Variants in MED27 observed in about 807,000 individuals in gnomAD.
MED27 encodes mediator of RNA polymerase II transcription subunit 27.
MED27 carries 30 observed loss-of-function variants against 38.2 expected under a neutral mutation model. The ratio of observed to expected loss-of-function variants is 0.79; its 90% CI spans 0.59 to 1.07. MED27 has a LOEUF of 1.07. Ranked by LOEUF, MED27 falls within the 50% of genes least tolerant of loss-of-function variation. The pLI, the probability that MED27 is intolerant of heterozygous loss-of-function variation, is 0.00. For missense variants in MED27, 289 were observed against 397.5 expected (o/e 0.73, Z 2.32); for synonymous variants, 122 against 153.5 (o/e 0.79, Z 1.52).
chr9:131,888,333 C>T (rs1839174614), intron 5 of MED27, among the ~76,000 whole-genome samples: 1 of 152,138 alleles, frequency 6.6e-6, no homozygotes, highest in African/African-American at 2.4e-5. Context: ...ATAGTTAATG[C>T]GAGGTGGGGG....
At chr9:131,951,742 T>C (rs1387523659) in intron 3 of MED27, among the ~76,000 whole-genome samples, 2 of 152,356 alleles carry the variant, frequency 1.3e-5, no homozygotes, top group Admixed American at 1.3e-4. Flanking sequence ...TGTACAAACA[T>C]TGTCTTTTTC....
intron 4 of MED27, among the ~76,000 whole-genome samples, chr9:131,912,159 T>G (rs905768044): frequency 2.0e-5 from 3 of 152,208 alleles, no homozygotes; most frequent in African/African-American, 7.2e-5. Context: ...AAGCTCTCCT[T>G]GACATTTTCC....
At chr9:132,042,157 C>T (rs893978965) in intron 2 of MED27, among the ~76,000 whole-genome samples, 6 of 152,146 alleles carry the variant, frequency 3.9e-5, no homozygotes, top group African/African-American at 1.4e-4. Context: ...GCCACAGGAT[C>T]TGGGACTCAG....
intron 4 of MED27, among the ~76,000 whole-genome samples, chr9:131,912,200 T>C (rs1296422433): frequency 1.3e-5 from 2 of 152,172 alleles, no homozygotes; most frequent in Non-Finnish European, 2.9e-5. Flanking sequence ...GGGTCTGTGG[T>C]CAAGCATGTC....
chr9:131,955,011 G>A (rs777247882), intron 3 of MED27, among the ~76,000 whole-genome samples: 15 of 151,806 alleles, frequency 9.9e-5, no homozygotes, highest in Non-Finnish European at 1.5e-4. Context: ...ACAGTAGAAG[G>A]TACATCCTTT....
intron 4 of MED27, among the ~76,000 whole-genome samples, 176 bp downstream of exon 4, chr9:131,939,205 G>A (rs959141298): frequency 2.6e-5 from 4 of 152,172 alleles, no homozygotes; most frequent in African/African-American, 9.7e-5. Context: ...TCAAAAGCAA[G>A]GTTTCAATGT....
intron 2 of MED27, among the ~76,000 whole-genome samples, chr9:132,052,019 A>G (rs1389039232): frequency 6.6e-6 from 1 of 152,184 alleles, no homozygotes; most frequent in African/African-American, 2.4e-5. Context: ...GCTCCATTCA[A>G]TCCGTGACTT....
At chr9:131,895,902 T>C (rs1829824327) in intron 4 of MED27, among the ~76,000 whole-genome samples, 1 of 146,434 alleles carries the variant, frequency 6.8e-6, no homozygotes, top group Admixed American at 7.0e-5. Flanking sequence ...TGAGTTATAG[T>C]TGTTTTTTTT....
intron 2 of MED27, among the ~76,000 whole-genome samples, chr9:132,038,188 C>A (rs369759553): frequency 8.0e-6 from 1 of 125,720 alleles, no homozygotes. Context: ...AGGCATCCTT[C>A]TTTTTTTTTT....
intron 3 of MED27, among the ~76,000 whole-genome samples, chr9:132,013,156 G>A (rs190799112): frequency 6.6e-6 from 1 of 152,310 alleles, no homozygotes; most frequent in African/African-American, 2.4e-5. Context: ...GTGAGCCTTT[G>A]CACTCACCTA....
At chr9:131,974,577 C>T (rs1831562986) in intron 3 of MED27, among the ~76,000 whole-genome samples, 1 of 152,130 alleles carries the variant, frequency 6.6e-6, no homozygotes, top group Admixed American at 6.5e-5. Context: ...AAACTCAGGC[C>T]CGGAGAGAAA....
intron 2 of MED27, 45 bp downstream of exon 2, chr9:132,077,397 A>T (rs774272757): frequency 6.4e-7 from 1 of 1,570,344 alleles, no homozygotes; most frequent in South Asian, 1.1e-5. Flanking sequence ...ATATAAGAAA[A>T]CTTGGTTTTC....
intron 2 of MED27, among the ~76,000 whole-genome samples, chr9:132,076,265 C>T (rs1387922091): frequency 6.8e-6 from 1 of 147,082 alleles, no homozygotes; most frequent in Non-Finnish European, 1.5e-5. Context: ...AGGCCCCATG[C>T]TTTTTTTTTT....
At chr9:131,980,137 G>A (rs2131026435) in intron 3 of MED27, among the ~76,000 whole-genome samples, 1 of 143,728 alleles carries the variant, frequency 7.0e-6, no homozygotes, top group South Asian at 2.2e-4. Flanking sequence ...ATATTATAGT[G>A]CCACATACAC....
chr9:132,053,855 T>C (rs1433879483), intron 2 of MED27, among the ~76,000 whole-genome samples: 3 of 150,620 alleles, frequency 2.0e-5, no homozygotes, highest in Admixed American at 6.6e-5. Context: ...GGGAACACTG[T>C]TTCTCATTTT....
At chr9:131,981,106 C>T (rs1042982018) in intron 3 of MED27, among the ~76,000 whole-genome samples, 26 of 152,352 alleles carry the variant, frequency 1.7e-4, no homozygotes, top group Admixed American at 1.5e-3. Flanking sequence ...CAACAAAGAA[C>T]ACCACTGAAA....
chr9:131,936,761 C>T (rs1830693967), intron 4 of MED27, among the ~76,000 whole-genome samples: 1 of 152,222 alleles, frequency 6.6e-6, no homozygotes, highest in African/African-American at 2.4e-5. Context: ...ACAGCAAAAC[C>T]AAAACCAACT....
At chr9:132,072,764 AG>A (rs1440868321) in intron 2 of MED27, among the ~76,000 whole-genome samples, 2 of 152,100 alleles carry the variant, frequency 1.3e-5, no homozygotes, top group African/African-American at 4.8e-5. Flanking sequence ...TTAAATTGTG[AG>A]GGGCATTTAA....
intron 2 of MED27, among the ~76,000 whole-genome samples, chr9:132,032,541 T>G (rs1832987095): frequency 6.6e-6 from 1 of 152,234 alleles, no homozygotes; most frequent in Non-Finnish European, 1.5e-5. Flanking sequence ...TTAAATCTTG[T>G]TCTTTAATGA....
Sources: gnomAD v4.1 joint callset for allele counts (sites outside exome capture counted in the v4.1 genomes callset) on GRCh38, gnomAD v4.1.1 for gene constraint, MANE v1.5 for transcripts, NCBI Gene and HGNC (gene_info 2026-07-23, HGNC 2026-07-21) for gene names.